PCDHA9: variants seen among roughly 807,000 people sequenced by gnomAD.
PCDHA9 encodes the protein protocadherin alpha 9.
PCDHA9 carries 62 observed loss-of-function variants against 62.0 expected under a neutral mutation model. The ratio of observed to expected loss-of-function variants is 1.00; its 90% CI spans 0.81 to 1.23. PCDHA9 has a LOEUF of 1.23. Among genes scored for constraint, PCDHA9 ranks in the 50% most tolerant of loss-of-function variants. PCDHA9 has a pLI of 0.00. For synonymous variants in PCDHA9, 557 were observed against 567.6 expected, an observed-to-expected ratio of 0.98 and a Z score of 0.27; for missense variants, 1,205 against 1,249.8, an observed-to-expected ratio of 0.96 and a Z score of 0.54.
intron 1 of PCDHA9, among the ~76,000 whole-genome samples, chr5:140,933,263 A>G (rs1374246908): frequency 6.6e-6 from 1 of 151,986 alleles, no homozygotes; most frequent in Non-Finnish European, 1.5e-5. Context: ...AAAGGTTATT[A>G]TATATTCATT....
rs2098415068 is a variant in PCDHA9, at chr5:141,009,865, AAAG to A, written c.2788_2790del (p.Lys930del). The A allele has an allele frequency of 3.1e-6, 5 of 1,614,074 alleles. No homozygotes were observed. The highest frequency in any genetic ancestry group is 4.5e-5 in the East Asian group (2 of 44,872). On this transcript the variant is annotated inframe_deletion, in exon 4 of 4. Transcript: ENST00000532602. ...AGGAGGAGACCAAGAAAAAGAAGAA[AAAG>A]AAGAAGGGTAACAAGACCCAGGAGA...
chr5:140,964,079 G>A (rs1209152794), intron 1 of PCDHA9, among the ~76,000 whole-genome samples: 3 of 152,178 alleles, frequency 2.0e-5, no homozygotes, highest in African/African-American at 7.2e-5. Flanking sequence ...GTTAATATTT[G>A]TAGAAAGGGT....
intron 1 of PCDHA9, chr5:140,868,490 A>G (rs1383994336): frequency 6.6e-6 from 1 of 152,330 alleles, no homozygotes; most frequent in African/African-American, 2.4e-5. Flanking sequence ...TTTTTCTTTG[A>G]GTTCCCTAGC....
intron 1 of PCDHA9, among the ~76,000 whole-genome samples, chr5:140,953,564 G>C (rs2094904127): frequency 6.6e-6 from 1 of 152,058 alleles, no homozygotes; most frequent in Non-Finnish European, 1.5e-5. Context: ...AAGTTTTAGT[G>C]CCCTCCTCTC....
chr5:140,871,476 G>A (rs1437006996), intron 1 of PCDHA9: 1 of 1,598,568 alleles, frequency 6.3e-7, no homozygotes, highest in Admixed American at 1.7e-5. Flanking sequence ...AGGAGCCAGG[G>A]TCAAATCACC....
intron 1 of PCDHA9, among the ~76,000 whole-genome samples, chr5:140,975,842 T>C (rs1291239014): frequency 1.3e-5 from 2 of 152,210 alleles, no homozygotes; most frequent in Non-Finnish European, 2.9e-5. Context: ...TATTCTTCAG[T>C]AATACTACAT....
intron 1 of PCDHA9, chr5:140,869,067 G>T (rs1220928735): frequency 6.4e-7 from 1 of 1,570,438 alleles, no homozygotes; most frequent in Non-Finnish European, 8.6e-7. Flanking sequence ...TACTGTAAGT[G>T]TAAAGAAGCT....
At chr5:140,927,376 A>G (rs1554204440) in intron 1 of PCDHA9, 13 of 1,614,094 alleles carry the variant, frequency 8.1e-6, no homozygotes, top group East Asian at 2.2e-5. Context: ...ACTAAGCTAC[A>G]GCCTAAGCCC....
chr5:140,900,563 C>G (rs1174778855), intron 1 of PCDHA9, among the ~76,000 whole-genome samples: 4 of 152,164 alleles, frequency 2.6e-5, no homozygotes, highest in Non-Finnish European at 5.9e-5. Flanking sequence ...AGGCGTGAGC[C>G]ACGGCACCGG....
chr5:140,997,559 T>A (rs550494855), intron 3 of PCDHA9, among the ~76,000 whole-genome samples: 2 of 152,148 alleles, frequency 1.3e-5, no homozygotes, highest in South Asian at 4.1e-4. Flanking sequence ...ACAGGACAAC[T>A]GTCATATGTG....
chr5:140,883,972 C>T (rs781784485), intron 1 of PCDHA9: 2 of 1,612,972 alleles, frequency 1.2e-6, no homozygotes, highest in Non-Finnish European at 8.5e-7. Context: ...TGCTGACGCC[C>T]GGGGCTGGCA....
chr5:140,882,302 C>A, intron 1 of PCDHA9: 1 of 1,613,798 alleles, frequency 6.2e-7, no homozygotes, highest in Non-Finnish European at 8.5e-7. Context: ...CCCAAGACCG[C>A]GGCAACTACT....
chr5:140,887,357 A>T (rs112910602), intron 1 of PCDHA9, among the ~76,000 whole-genome samples: 12,309 of 152,126 alleles, frequency 0.081, 539 homozygotes, highest in Middle Eastern at 0.13. Context: ...CGGCCTCCCA[A>T]AGTGCTGGGA....
intron 1 of PCDHA9, among the ~76,000 whole-genome samples, chr5:140,911,559 C>T (rs2075532280): frequency 6.6e-6 from 1 of 152,168 alleles, no homozygotes; most frequent in Non-Finnish European, 1.5e-5. Flanking sequence ...CATTTTCTTT[C>T]ATCACTTTGT....
chr5:140,848,969 C>T lies in PCDHA9; in HGVS notation c.474C>T (p.Ser158=). The T allele has an allele frequency of 1.2e-6, 2 of 1,604,404 alleles. No individual in the cohort carries two copies. Among genetic ancestry groups the T allele is most frequent in the Non-Finnish European group, 8.5e-7 (1 of 1,174,846 alleles). The change falls in exon 1 of 4, where the codon TCC becomes TCT. Residue 158 remains serine (S), a synonymous_variant. Transcript: ENST00000532602. ...LDSRFPLEGA[S]DADIGENALL... ...CTCGGTTTCCACTAGAGGGCGCGTC[C>T]GATGCAGATATCGGGGAGAACGCCC...
chr5:140,966,960 T>C, intron 1 of PCDHA9: 1 of 1,603,106 alleles, frequency 6.2e-7, no homozygotes, highest in Non-Finnish European at 8.5e-7. Context: ...GCTCGCGCGC[T>C]GGGGCTTGAG....
chr5:140,928,066 G>A lies in PCDHA9; in HGVS notation c.2395-50883G>A, dbSNP rs376048656. On this transcript the variant is annotated intron_variant, in intron 1 of 3. Transcript: ENST00000532602. ...CCCTTTTCAGCTGACGGCTTCCTTT[G>A]ACAACTACTACAGCCTGCTGATTGA... 8.7e-6 allele frequency: 14 copies of A among 1,614,036 alleles called. No individual in the cohort carries two copies. In the African/African-American group the frequency reaches 1.9e-4, roughly 22 times the overall value.
At chr5:140,904,436 T>C (rs1554191522) in intron 1 of PCDHA9, among the ~76,000 whole-genome samples, 1 of 151,240 alleles carries the variant, frequency 6.6e-6, no homozygotes, top group Admixed American at 6.6e-5. Flanking sequence ...TATATATGTA[T>C]ATTACAATTT....
intron 1 of PCDHA9, chr5:140,967,662 A>G: frequency 6.2e-7 from 1 of 1,614,192 alleles, no homozygotes; most frequent in Non-Finnish European, 8.5e-7. Context: ...TTGAGCAGCT[A>G]CACGTCGGAC....
Sources: allele counts gnomAD v4.1 joint callset (sites outside exome capture counted in the v4.1 genomes callset), GRCh38; gene constraint gnomAD v4.1.1; transcripts MANE v1.5; gene names NCBI Gene and HGNC (gene_info 2026-07-23, HGNC 2026-07-21).